The following MGAT4C variants were observed in gnomAD, a reference collection of about 807,000 sequenced individuals.
The protein encoded by MGAT4C is alpha-1,3-mannosyl-glycoprotein 4-beta-N-acetylglucosaminyltransferase C.
Under a neutral mutation model 40.1 loss-of-function variants are expected in MGAT4C, and 19 were observed. The ratio of observed to expected loss-of-function variants is 0.47; its 90% CI spans 0.33 to 0.70. The LOEUF is 0.70. Among genes scored for constraint, MGAT4C ranks in the 30% least tolerant of loss-of-function variants. The pLI is 0.02. For missense variants in MGAT4C, 491 were observed against 563.2 expected, an observed-to-expected ratio of 0.87 and a Z score of 1.30; for synonymous variants, 181 against 187.1, an observed-to-expected ratio of 0.97 and a Z score of 0.27.
Position 86,774,319 on chromosome 12 carries a change from C to CTTTCTTTCTTTCTT in MGAT4C, c.-261-47092_-261-47079dup, listed in dbSNP as rs1555227781. 1.7e-4 allele frequency among the ~76,000 whole-genome samples: 16 copies of CTTTCTTTCTTTCTT among 93,718 alleles called. 3 individuals are homozygous for CTTTCTTTCTTTCTT. The highest frequency in any genetic ancestry group is 1.7e-3 in the South Asian group (4 of 2,362). 61.5% of individuals were successfully genotyped at this position (93,718 alleles called of 152,430 possible). The stretch of plus-strand genomic sequence containing the variant: ...TCTTTCTTTCTTTCTTTCTTTCTTT[C>CTTTCTTTCTTTCTT]TTTCTTTCTTTCTTTCTTTCTGTCT... On this transcript the variant is annotated intron_variant, in intron 1 of 7. Transcript: ENST00000548651.
intron 4 of MGAT4C, among the ~76,000 whole-genome samples, chr12:86,275,617 G>A (rs1315505202): frequency 3.3e-5 from 5 of 152,116 alleles, no homozygotes; most frequent in Non-Finnish European, 5.9e-5. Context: ...GTTGATAAGA[G>A]GGATAAAGGA....
chr12:86,099,863 T>C (rs530037046), intron 1 of MGAT4C, among the ~76,000 whole-genome samples: 29 of 151,620 alleles, frequency 1.9e-4, no homozygotes, highest in Admixed American at 1.8e-3. Flanking sequence ...ATTAAAACTT[T>C]CTGTTAGTTA....
intron 2 of MGAT4C, among the ~76,000 whole-genome samples, chr12:86,603,539 TAGA>T (rs1961894786): frequency 1.5e-4 from 2 of 13,256 alleles, no homozygotes; most frequent in Admixed American, 1.6e-3. Flanking sequence ...ATATAGTCTA[TAGA>T]CTATAGATAA....
intron 1 of MGAT4C, among the ~76,000 whole-genome samples, chr12:86,814,481 C>T (rs1478288120): frequency 6.7e-6 from 1 of 150,080 alleles, no homozygotes; most frequent in Non-Finnish European, 1.5e-5. Flanking sequence ...ATATTAATTC[C>T]AATTCTCTTA....
chr12:86,435,673 A>G (rs1385160471), intron 2 of MGAT4C, among the ~76,000 whole-genome samples: 2 of 151,898 alleles, frequency 1.3e-5, no homozygotes, highest in Non-Finnish European at 2.9e-5. Flanking sequence ...ACTATTTGAT[A>G]AAACTCAAAT....
intron 1 of MGAT4C, among the ~76,000 whole-genome samples, chr12:86,764,791 A>G (rs1007424879): frequency 6.6e-6 from 1 of 152,142 alleles, no homozygotes; most frequent in Admixed American, 6.5e-5. Context: ...TCCAACAGAC[A>G]TGCAGCTGAC....
chr12:86,477,149 A>G (rs980105643), intron 2 of MGAT4C, among the ~76,000 whole-genome samples: 2 of 151,992 alleles, frequency 1.3e-5, no homozygotes, highest in Non-Finnish European at 2.9e-5. Context: ...CAGATCATTT[A>G]TTGGTTGTAT....
chr12:86,208,972 T>G (rs1185304754), intron 1 of MGAT4C, among the ~76,000 whole-genome samples: 1 of 152,168 alleles, frequency 6.6e-6, no homozygotes, highest in African/African-American at 2.4e-5. Flanking sequence ...TGATTCTCAA[T>G]TTTTCATTTG....
intron 1 of MGAT4C, among the ~76,000 whole-genome samples, chr12:86,819,870 G>T (rs1593237708): frequency 7.7e-6 from 1 of 129,904 alleles, no homozygotes; most frequent in Admixed American, 8.7e-5. Flanking sequence ...AACATGGAGG[G>T]TAATGCTTAA....
At chr12:86,267,721 G>T (rs2136103804) in intron 4 of MGAT4C, among the ~76,000 whole-genome samples, 1 of 152,106 alleles carries the variant, frequency 6.6e-6, no homozygotes, top group East Asian at 1.9e-4. Context: ...GCCTAGACTG[G>T]AACACCATTG....
intron 3 of MGAT4C, among the ~76,000 whole-genome samples, chr12:86,365,235 T>C (rs1955565772): frequency 6.6e-6 from 1 of 152,230 alleles, no homozygotes; most frequent in South Asian, 2.1e-4. Context: ...TATGGCTCTG[T>C]TCCGCCCGGC....
At chr12:86,692,572 A>G (rs1208618845) in intron 2 of MGAT4C, among the ~76,000 whole-genome samples, 1 of 152,202 alleles carries the variant, frequency 6.6e-6, no homozygotes, top group Non-Finnish European at 1.5e-5. Context: ...GGGAAATTTA[A>G]TACTTATGGA....
At chr12:86,576,567 T>C (rs1052588024) in intron 2 of MGAT4C, among the ~76,000 whole-genome samples, 3 of 151,950 alleles carry the variant, frequency 2.0e-5, no homozygotes, top group African/African-American at 7.2e-5. Context: ...GCACCATTTA[T>C]TGAAGAGACT....
intron 4 of MGAT4C, among the ~76,000 whole-genome samples, chr12:86,292,914 T>C (rs918383631): frequency 2.6e-5 from 4 of 152,104 alleles, no homozygotes; most frequent in Non-Finnish European, 4.4e-5. Context: ...ATTAAAGGGC[T>C]TGTGCTAATT....
At chr12:86,415,743 C>CT (rs1956697682) in intron 3 of MGAT4C, among the ~76,000 whole-genome samples, 1 of 151,886 alleles carries the variant, frequency 6.6e-6, no homozygotes. Context: ...TCATAGGACT[C>CT]TAAGAAAGAA....
chr12:86,697,188 T>C (rs1217072001), intron 2 of MGAT4C, among the ~76,000 whole-genome samples: 2 of 152,146 alleles, frequency 1.3e-5, no homozygotes, highest in African/African-American at 2.4e-5. Flanking sequence ...AATATAGGTA[T>C]ATATACATAA....
At chr12:86,126,510 A>G (rs917279806) in intron 1 of MGAT4C, among the ~76,000 whole-genome samples, 10 of 152,178 alleles carry the variant, frequency 6.6e-5, no homozygotes, top group Admixed American at 2.0e-4. Flanking sequence ...CTATTGCACC[A>G]AGTCAAATAT....
chr12:86,068,386 T>C (rs1173734419), intron 1 of MGAT4C: 1 of 152,052 alleles, frequency 6.6e-6, no homozygotes, highest in Non-Finnish European at 1.5e-5. Context: ...TTTATTGTTA[T>C]AATTCATTCA....
chr12:86,162,261 TAGACTGGATAA>T (rs1885674434), intron 1 of MGAT4C, among the ~76,000 whole-genome samples: 1 of 152,118 alleles, frequency 6.6e-6, no homozygotes, highest in Admixed American at 6.6e-5. Flanking sequence ...CCATCAATAA[TAGACTGGATAA>T]AGAAAATGTG....
Sources: allele counts gnomAD v4.1 joint callset (sites outside exome capture counted in the v4.1 genomes callset), GRCh38; gene constraint gnomAD v4.1.1; transcripts MANE v1.5; gene names NCBI Gene and HGNC (gene_info 2026-07-23, HGNC 2026-07-21).